The following ITIH2 variants were observed in gnomAD, a reference collection of about 807,000 sequenced individuals.
ITIH2 encodes inter-alpha-trypsin inhibitor heavy chain H2.
ITIH2 carries 103 observed loss-of-function variants against 104.4 expected under a neutral mutation model. The observed-to-expected ratio is 0.99, with a 90% CI of 0.84 to 1.16. The LOEUF is 1.16. Among genes scored for constraint, ITIH2 ranks in the 50% most tolerant of loss-of-function variants. ITIH2 has a pLI of 0.00. For missense variants in ITIH2, 1,108 were observed against 1,162.4 expected, an observed-to-expected ratio of 0.95 and a Z score of 0.68; for synonymous variants, 436 against 435.4, an observed-to-expected ratio of 1.00 and a Z score of -0.02.
chr10:7,717,756 C>A lies in ITIH2; in HGVS notation c.598C>A (p.Leu200Met). The change falls in exon 6 of 21, where the codon CTG becomes ATG. Residue 200 changes from leucine to methionine, a missense_variant. Transcript: ENST00000358415. ...GGGCTCCTATGAGCACAGGATCTAT[C>A]TGCAACCTGGACGGCTGGCCAAACA... is the stretch of plus-strand genomic sequence containing the variant. ...KLGSYEHRIY[L>M]QPGRLAKHLE... The A allele has an allele frequency of 1.2e-6, 2 of 1,612,024 alleles. No homozygotes were observed. Among genetic ancestry groups the A allele is most frequent in the Non-Finnish European group, 1.7e-6 (2 of 1,179,370 alleles).
intron 11 of ITIH2, among the ~76,000 whole-genome samples, chr10:7,728,123 G>A (rs1415509619): frequency 6.6e-6 from 1 of 152,142 alleles, no homozygotes; most frequent in East Asian, 1.9e-4. Context: ...CTAGGGAAAT[G>A]CATCTATTTC....
chr10:7,745,293 G>C (rs1835166023), intron 19 of ITIH2, among the ~76,000 whole-genome samples: 1 of 152,058 alleles, frequency 6.6e-6, no homozygotes, highest in African/African-American at 2.4e-5. Context: ...AGAACACTCT[G>C]GACAAATGTC....
chr10:7,727,111 C>T lies in ITIH2; in HGVS notation c.1146C>T (p.Pro382=), dbSNP rs1234134252. Residue 382 remains proline (P), a synonymous_variant, in exon 10 of 21, where the codon CCC becomes CCT. Transcript: ENST00000358415. ...AGAGGTATATTGAGAAAATCCAGCCCAGTGGAGGTGAGTGTGTTGGGCTAA... is the reference window on the plus strand; with the variant it reads ...AGAGGTATATTGAGAAAATCCAGCCTAGTGGAGGTGAGTGTGTTGGGCTAA... ...DAKRYIEKIQ[P]SGGTNINEAL... 3 of 1,613,188 alleles carry T rather than the reference C, an allele frequency of 1.9e-6. No individual in the cohort carries two copies. Among genetic ancestry groups the T allele is most frequent in the South Asian group, 1.1e-5 (1 of 90,898 alleles).
In ITIH2 at chr10:7,719,185, C is replaced by T. The variant is rs143513221; in HGVS notation, c.630+1397C>T. Among the ~76,000 whole-genome samples the T allele has an allele frequency of 4.6e-3, 705 of 152,250 alleles. 7 individuals are homozygous for T. Among genetic ancestry groups the T allele is most frequent in the African/African-American group, 0.016 (681 of 41,538 alleles). ...TTTAATTCCCATTTGAAAAGCTGCT[C>T]GTGGGATCAATAATGCCCACTGTTT... On this transcript the variant is annotated intron_variant, in intron 6 of 20. Transcript: ENST00000358415.
At position 7,735,706 on chromosome 10, in the gene ITIH2, TCTGTTTACCAGG is replaced by T. The variant is rs1232343172; in HGVS notation, c.1957+619_1957+630del. Among the ~76,000 whole-genome samples, 7 of 148,752 alleles carry T rather than the reference TCTGTTTACCAGG, an allele frequency of 4.7e-5. No individual in the cohort carries two copies. The East Asian group carries it at 1.4e-3, about 30-fold the overall frequency. ...TTTTTTTTTTGAGACAGAGTCTTGC[TCTGTTTACCAGG>T]CTGGAGCACAATGGCACGATCTCAG... On this transcript the variant is annotated intron_variant, in intron 15 of 20. Transcript: ENST00000358415.
In ITIH2 at chr10:7,744,895, A is replaced by G. The variant is rs1312428532; in HGVS notation, c.2513A>G (p.Asn838Ser). 3 of 1,614,162 alleles carry G rather than the reference A, an allele frequency of 1.9e-6. No homozygotes were observed. Among genetic ancestry groups the G allele is most frequent in the Non-Finnish European group, 1.7e-6 (2 of 1,179,992 alleles). ...LHRVWKKHPV[N>S]VDFLGIYIPP... is the part of the protein sequence containing the mutation. ...CGTGTTTGGAAGAAGCATCCCGTCAATGTTGACTTTCTGGGAATCTACATA... is the reference window on the plus strand; with the variant it reads ...CGTGTTTGGAAGAAGCATCCCGTCAGTGTTGACTTTCTGGGAATCTACATA... Residue 838 changes from asparagine to serine, a missense_variant, in exon 19 of 21, where the codon AAT (asparagine) becomes AGT (serine). Physicochemically the swap from Asn to Ser is conservative, Grantham distance 46. Transcript: ENST00000358415.
At chr10:7,735,908 G>A (rs1026785768) in intron 15 of ITIH2, among the ~76,000 whole-genome samples, 2 of 151,968 alleles carry the variant, frequency 1.3e-5, no homozygotes, top group Non-Finnish European at 2.9e-5. Context: ...CCTGACCTCA[G>A]GCGATCCACT....
At chr10:7,744,315 G>A (rs375899740) in intron 18 of ITIH2, 35 bp downstream of exon 18, 24 of 1,512,896 alleles carry the variant, frequency 1.6e-5, no homozygotes, top group South Asian at 3.4e-5. Flanking sequence ...GGGCCTGTCC[G>A]TGACACACGA....
intron 5 of ITIH2, among the ~76,000 whole-genome samples, chr10:7,716,999 G>T (rs930350649): frequency 6.6e-5 from 10 of 150,470 alleles, no homozygotes; most frequent in Admixed American, 2.7e-4. Context: ...CCAGACTGGA[G>T]TGCAATGGCG....
chr10:7,733,390 C>A (rs905832715), intron 14 of ITIH2, among the ~76,000 whole-genome samples: 1 of 152,162 alleles, frequency 6.6e-6, no homozygotes, highest in Non-Finnish European at 1.5e-5. Flanking sequence ...GCCACTGCAC[C>A]CAGCCCTGCA....
chr10:7,717,724 G>A lies in ITIH2; in HGVS notation c.566G>A (p.Arg189Lys). ...CTTCACTACCAGGAGGTGAAGTGGA[G>A]GAAGCTGGGCTCCTATGAGCACAGG... is the stretch of plus-strand genomic sequence containing the variant. ...FELHYQEVKW[R>K]KLGSYEHRIY... The change falls in exon 6 of 21, where the codon AGG becomes AAG. Residue 189 changes from arginine (R) to lysine (K), a missense_variant. Transcript: ENST00000358415. 6.2e-7 allele frequency: 1 copy of A among 1,613,394 alleles called. No homozygotes were observed. The highest frequency in any genetic ancestry group is 8.5e-7 in the Non-Finnish European group (1 of 1,180,002).
At chr10:7,748,518 A>ATTTT (rs1564309292) in intron 20 of ITIH2, among the ~76,000 whole-genome samples, 7 of 28,998 alleles carry the variant, frequency 2.4e-4, no homozygotes, top group Non-Finnish European at 3.6e-4. Context: ...CCGCCAATGC[A>ATTTT]TTCTTTTTTT....
intron 19 of ITIH2, 86 bp from the exon 20 acceptor site, chr10:7,746,507 C>T: frequency 3.5e-6 from 3 of 866,316 alleles, no homozygotes; most frequent in Non-Finnish European, 3.7e-6. Flanking sequence ...GGAGGGAGGA[C>T]CGAAAGGTAG....
At chr10:7,718,495 G>A (rs1474342179) in intron 6 of ITIH2, among the ~76,000 whole-genome samples, 5 of 152,106 alleles carry the variant, frequency 3.3e-5, no homozygotes, top group Non-Finnish European at 5.9e-5. Flanking sequence ...TCTATGAAAA[G>A]AGTACTGTAA....
intron 6 of ITIH2, among the ~76,000 whole-genome samples, chr10:7,720,600 T>G (rs1231448775): frequency 6.6e-6 from 1 of 151,990 alleles, no homozygotes; most frequent in Non-Finnish European, 1.5e-5. Flanking sequence ...TCGAATAGAA[T>G]GAGGAAGGGA....
chr10:7,723,635 C>A, intron 9 of ITIH2, 68 bp downstream of exon 9: 1 of 984,960 alleles, frequency 1.0e-6, no homozygotes, highest in South Asian at 1.3e-5. Context: ...CCTAAAAATG[C>A]AATCATTCTA....
chr10:7,748,580 C>A (rs1418870737), intron 20 of ITIH2, among the ~76,000 whole-genome samples: 1 of 106,396 alleles, frequency 9.4e-6, no homozygotes, highest in Non-Finnish European at 1.7e-5. Flanking sequence ...CTTGCTCTGT[C>A]GCCCAGGCTG....
chr10:7,732,918 G>A (rs1196916355), intron 14 of ITIH2, among the ~76,000 whole-genome samples: 10 of 151,896 alleles, frequency 6.6e-5, no homozygotes, highest in Admixed American at 1.3e-4. Flanking sequence ...TAGTAGAGAC[G>A]GGGTTTCACC....
At chr10:7,748,734 C>A (rs1378674633) in intron 20 of ITIH2, among the ~76,000 whole-genome samples, 5 of 151,090 alleles carry the variant, frequency 3.3e-5, no homozygotes, top group Middle Eastern at 3.4e-3. Flanking sequence ...TTAGTAGAGA[C>A]AGGGTTTCAC....
Sources: gnomAD v4.1 joint callset for allele counts (sites outside exome capture counted in the v4.1 genomes callset) on GRCh38, gnomAD v4.1.1 for gene constraint, MANE v1.5 for transcripts, NCBI Gene and HGNC (gene_info 2026-07-23, HGNC 2026-07-21) for gene names.